SLC30A8: variants seen among roughly 807,000 people sequenced by gnomAD.
SLC30A8 encodes proton-coupled zinc antiporter SLC30A8.
SLC30A8 carries 27 observed loss-of-function variants against 36.9 expected under a neutral mutation model. That is an observed-to-expected ratio of 0.73 (90% CI 0.54 to 1.01). The LOEUF is 1.01. Among genes scored for constraint, SLC30A8 ranks in the 50% least tolerant of loss-of-function variants. The probability of loss-of-function intolerance (pLI) is 0.00; values close to 1 mark genes in which losing one functional copy is unlikely to be tolerated. For synonymous variants in SLC30A8, 164 were observed against 172.4 expected (o/e 0.95, Z 0.38); for missense variants, 439 against 452.0 (o/e 0.97, Z 0.26).
intron 2 of SLC30A8, among the ~76,000 whole-genome samples, chr8:117,101,133 A>G (rs1819699326): frequency 6.6e-6 from 1 of 152,138 alleles, no homozygotes; most frequent in Non-Finnish European, 1.5e-5. Context: ...ATATTATTAT[A>G]TCCCTTCCCC....
intron 1 of SLC30A8, among the ~76,000 whole-genome samples, chr8:116,966,319 C>T (rs1290284416): frequency 1.3e-5 from 2 of 152,048 alleles, no homozygotes; most frequent in Non-Finnish European, 2.9e-5. Context: ...CTGGTTTGCT[C>T]AAGTTCAATG....
chr8:117,091,683 GA>G, intron 2 of SLC30A8, among the ~76,000 whole-genome samples: 1 of 152,140 alleles, frequency 6.6e-6, no homozygotes, highest in Non-Finnish European at 1.5e-5. Flanking sequence ...ACTGGCCTCA[GA>G]AATCCCGTTA....
At chr8:117,028,624 G>A (rs965399894) in intron 1 of SLC30A8, among the ~76,000 whole-genome samples, 2 of 151,400 alleles carry the variant, frequency 1.3e-5, no homozygotes, top group African/African-American at 4.9e-5. Flanking sequence ...TTTTGTTGAA[G>A]TAGAAATATA....
At chr8:117,014,268 G>A (rs1009785662) in intron 1 of SLC30A8, among the ~76,000 whole-genome samples, 5 of 135,908 alleles carry the variant, frequency 3.7e-5, no homozygotes, top group African/African-American at 1.4e-4. Context: ...TATCATATTA[G>A]CCTTTGGCTG....
chr8:117,167,710 C>T (rs1823134979), intron 6 of SLC30A8, among the ~76,000 whole-genome samples: 1 of 151,184 alleles, frequency 6.6e-6, no homozygotes, highest in Non-Finnish European at 1.5e-5. Flanking sequence ...ACATTATAAA[C>T]AATGATGTAA....
chr8:116,979,358 A>C (rs1242177814), intron 1 of SLC30A8, among the ~76,000 whole-genome samples: 1 of 152,188 alleles, frequency 6.6e-6, no homozygotes, highest in South Asian at 2.1e-4. Flanking sequence ...CTCCTCGAAG[A>C]AAACATAAAT....
chr8:117,045,868 C>A, intron 2 of SLC30A8, among the ~76,000 whole-genome samples: 1 of 152,008 alleles, frequency 6.6e-6, no homozygotes, highest in Non-Finnish European at 1.5e-5. Context: ...GGCATGGTCT[C>A]TTTCTGCCTC....
chr8:117,063,102 G>T (rs1445800028), intron 2 of SLC30A8, among the ~76,000 whole-genome samples: 1 of 152,126 alleles, frequency 6.6e-6, no homozygotes, highest in Non-Finnish European at 1.5e-5. Flanking sequence ...TGTAATCAGC[G>T]GCTAGGGCTT....
At chr8:117,004,582 C>T (rs888128427) in intron 1 of SLC30A8, among the ~76,000 whole-genome samples, 2 of 151,992 alleles carry the variant, frequency 1.3e-5, no homozygotes, top group African/African-American at 4.8e-5. Flanking sequence ...AGAAAAGGTG[C>T]TCTGAAAGCA....
chr8:117,031,230 C>G (rs1817034033), intron 1 of SLC30A8, among the ~76,000 whole-genome samples: 1 of 152,100 alleles, frequency 6.6e-6, no homozygotes, highest in Non-Finnish European at 1.5e-5. Context: ...ACATTTTGGT[C>G]ATTTAATCTT....
At chr8:116,956,648 A>T (rs1814215688) in intron 1 of SLC30A8, among the ~76,000 whole-genome samples, 1 of 152,218 alleles carries the variant, frequency 6.6e-6, no homozygotes. Flanking sequence ...TCAATTGGAT[A>T]GTCTCTCTCT....
At chr8:117,074,200 G>A (rs748679435) in intron 2 of SLC30A8, among the ~76,000 whole-genome samples, 2 of 152,250 alleles carry the variant, frequency 1.3e-5, no homozygotes, top group Non-Finnish European at 2.9e-5. Context: ...GTGCACTGGA[G>A]AATCTGATAT....
chr8:117,083,199 A>G (rs1486731614), intron 2 of SLC30A8, among the ~76,000 whole-genome samples: 2 of 152,196 alleles, frequency 1.3e-5, no homozygotes, highest in East Asian at 3.9e-4. Context: ...TCCCAGGTGG[A>G]GGCAATGAAA....
At chr8:117,098,771 C>G (rs1819582095) in intron 2 of SLC30A8, among the ~76,000 whole-genome samples, 1 of 152,094 alleles carries the variant, frequency 6.6e-6, no homozygotes, top group South Asian at 2.1e-4. Flanking sequence ...AAAGGCTATT[C>G]CATTTTGTTA....
intron 2 of SLC30A8, among the ~76,000 whole-genome samples, chr8:117,108,280 A>G (rs184562178): frequency 1.3e-5 from 2 of 152,346 alleles, no homozygotes; most frequent in South Asian, 2.1e-4. Flanking sequence ...GAAGCAGCCA[A>G]TATTTAAGTG....
intron 1 of SLC30A8, among the ~76,000 whole-genome samples, chr8:117,021,649 CA>C (rs1816698581): frequency 6.6e-6 from 1 of 152,186 alleles, no homozygotes; most frequent in African/African-American, 2.4e-5. Context: ...TGAAAATTTA[CA>C]AGCTGATTCT....
At position 117,172,821 on chromosome 8, in the gene SLC30A8, G is replaced by A; in HGVS notation, c.*140G>A. On this transcript the variant is annotated 3_prime_UTR_variant, in exon 8 of 8. Transcript: ENST00000456015. ...AATGCACATTTTATCTATTTATTTAGTTCCATTCACCATGAAGGAAGAGGC... is the reference window on the plus strand; with the variant it reads ...AATGCACATTTTATCTATTTATTTAATTCCATTCACCATGAAGGAAGAGGC... The A allele has an allele frequency of 9.9e-7, 1 of 1,011,576 alleles. No homozygotes were observed. Among genetic ancestry groups the A allele is most frequent in the Admixed American group, 2.4e-5 (1 of 42,550 alleles). The allele number at this position is 1,011,576 out of a possible 1,614,324, so 62.7% of individuals were successfully genotyped here.
At chr8:117,038,372 A>G (rs1817280941) in intron 1 of SLC30A8, among the ~76,000 whole-genome samples, 1 of 152,170 alleles carries the variant, frequency 6.6e-6, no homozygotes, top group South Asian at 2.1e-4. Flanking sequence ...TTATGTGTGT[A>G]TGCATTCCTT....
intron 2 of SLC30A8, among the ~76,000 whole-genome samples, chr8:117,054,289 C>T (rs935960815): frequency 6.6e-6 from 1 of 151,838 alleles, no homozygotes; most frequent in Non-Finnish European, 1.5e-5. Flanking sequence ...TTTGTAGAAA[C>T]AGGGTCTTGC....
Sources: gnomAD v4.1 joint callset for allele counts (sites outside exome capture counted in the v4.1 genomes callset) on GRCh38, gnomAD v4.1.1 for gene constraint, MANE v1.5 for transcripts, NCBI Gene and HGNC (gene_info 2026-07-23, HGNC 2026-07-21) for gene names.